The following ITGB3BP variants were observed in gnomAD, a reference collection of about 807,000 sequenced individuals.
The protein encoded by ITGB3BP is centromere protein R.
ITGB3BP carries 27 observed loss-of-function variants against 29.1 expected under a neutral mutation model. The ratio of observed to expected loss-of-function variants is 0.93; its 90% CI spans 0.68 to 1.28. ITGB3BP has a LOEUF of 1.28. ITGB3BP is among the 50% of genes most tolerant of loss of function. The pLI is 0.00. For missense variants in ITGB3BP, 192 were observed against 200.2 expected (o/e 0.96, Z 0.25); for synonymous variants, 61 against 61.4 (o/e 0.99, Z 0.03).
chr1:63,522,174 TC>T (rs1197619313), intron 1 of ITGB3BP, among the ~76,000 whole-genome samples: 3 of 152,192 alleles, frequency 2.0e-5, no homozygotes, highest in Non-Finnish European at 4.4e-5. Context: ...ATTTTAGGAT[TC>T]AATGAAAAAA....
intron 4 of ITGB3BP, among the ~76,000 whole-genome samples, chr1:63,476,678 G>A (rs1430437245): frequency 6.6e-6 from 1 of 152,162 alleles, no homozygotes; most frequent in Non-Finnish European, 1.5e-5. Context: ...CTGATTCAGG[G>A]AGAAAAACAA....
At chr1:63,490,523 C>T (rs1033071123) in intron 2 of ITGB3BP, among the ~76,000 whole-genome samples, 2 of 152,128 alleles carry the variant, frequency 1.3e-5, no homozygotes, top group African/African-American at 2.4e-5. Context: ...CAACCATACC[C>T]TGACTTTTGC....
At chr1:63,475,190 C>T (rs546490812) in intron 4 of ITGB3BP, among the ~76,000 whole-genome samples, 2 of 152,186 alleles carry the variant, frequency 1.3e-5, no homozygotes, top group African/African-American at 2.4e-5. Flanking sequence ...TTGCCCAGGC[C>T]GGTCTCAAAC....
At chr1:63,453,884 T>C (rs1644895535) in intron 7 of ITGB3BP, 34 bp downstream of exon 7, 1 of 1,300,898 alleles carries the variant, frequency 7.7e-7, no homozygotes, top group Non-Finnish European at 1.1e-6. Flanking sequence ...GATGAAAGCA[T>C]CTTTATGTAA....
At chr1:63,451,875 A>G (rs1644864924) in intron 7 of ITGB3BP, 3 of 152,120 alleles carry the variant, frequency 2.0e-5, no homozygotes, top group Admixed American at 2.0e-4. Flanking sequence ...TACGTAGAAT[A>G]GAATATAACA....
chr1:63,518,299 C>G (rs1646379327), intron 1 of ITGB3BP, among the ~76,000 whole-genome samples: 1 of 152,040 alleles, frequency 6.6e-6, no homozygotes. Context: ...ATTCTATTTC[C>G]TTAATTATGC....
intron 2 of ITGB3BP, among the ~76,000 whole-genome samples, chr1:63,496,094 A>ATTT (rs760733420): frequency 7.1e-6 from 1 of 140,628 alleles, no homozygotes; most frequent in Non-Finnish European, 1.6e-5. Context: ...GGCCACTACA[A>ATTT]TTTTTTTTTT....
chr1:63,444,624 A>T (rs1305544170), intron 8 of ITGB3BP, among the ~76,000 whole-genome samples: 1 of 111,426 alleles, frequency 9.0e-6, no homozygotes, highest in Non-Finnish European at 2.1e-5. Flanking sequence ...CTCCTATTAC[A>T]TATAGGAGAT....
At chr1:63,470,537 T>A (rs1460490401) in intron 4 of ITGB3BP, among the ~76,000 whole-genome samples, 1 of 152,238 alleles carries the variant, frequency 6.6e-6, no homozygotes, top group East Asian at 1.9e-4. Context: ...AAACCTTTTG[T>A]GTCTAGTTTT....
intron 8 of ITGB3BP, chr1:63,442,443 A>C (rs1644742528): frequency 6.6e-6 from 1 of 152,190 alleles, no homozygotes; most frequent in East Asian, 1.9e-4. Flanking sequence ...TATTGTGCTG[A>C]CCTGCAGTCA....
intron 7 of ITGB3BP, among the ~76,000 whole-genome samples, chr1:63,448,235 C>A (rs530819149): frequency 6.9e-6 from 1 of 145,760 alleles, no homozygotes; most frequent in African/African-American, 2.5e-5. Context: ...TGCTAAATGA[C>A]GAGTTAATGG....
intron 3 of ITGB3BP, among the ~76,000 whole-genome samples, chr1:63,480,747 CTT>C (rs993785677): frequency 2.0e-5 from 3 of 152,012 alleles, no homozygotes; most frequent in Non-Finnish European, 2.9e-5. Context: ...AGTTATTTCT[CTT>C]GTTTATGAAC....
intron 4 of ITGB3BP, among the ~76,000 whole-genome samples, chr1:63,463,730 T>C (rs1645056417): frequency 1.3e-5 from 2 of 152,200 alleles, no homozygotes; most frequent in Admixed American, 6.5e-5. Flanking sequence ...TATTAACGTG[T>C]AGCTGTTTTT....
intron 4 of ITGB3BP, among the ~76,000 whole-genome samples, chr1:63,458,845 C>T (rs1432350956): frequency 6.6e-6 from 1 of 152,128 alleles, no homozygotes; most frequent in Non-Finnish European, 1.5e-5. Context: ...AGACCTGGTC[C>T]AGTGACCATC....
intron 4 of ITGB3BP, among the ~76,000 whole-genome samples, chr1:63,469,925 T>C (rs1333766598): frequency 5.3e-5 from 8 of 152,242 alleles, no homozygotes; most frequent in Non-Finnish European, 5.9e-5. Flanking sequence ...TTTACCGGAA[T>C]GAGGGCAAGG....
intron 2 of ITGB3BP, among the ~76,000 whole-genome samples, chr1:63,500,419 T>C (rs1237214028): frequency 6.6e-6 from 1 of 151,920 alleles, no homozygotes; most frequent in African/African-American, 2.4e-5. Flanking sequence ...TTAATGCTAA[T>C]AAATGGGTTC....
At chr1:63,517,815 C>G (rs558729618) in intron 1 of ITGB3BP, among the ~76,000 whole-genome samples, 1 of 152,096 alleles carries the variant, frequency 6.6e-6, no homozygotes, top group Non-Finnish European at 1.5e-5. Context: ...TTGACTTCCT[C>G]GGCTCAAGTG....
At chr1:63,491,186 T>C (rs1645637963) in intron 2 of ITGB3BP, among the ~76,000 whole-genome samples, 2 of 152,182 alleles carry the variant, frequency 1.3e-5, no homozygotes, top group South Asian at 2.1e-4. Flanking sequence ...TATCATACTA[T>C]TAATTGTTCC....
At chr1:63,523,393 C>G (rs1646509506), upstream of ITGB3BP, 3 of 560,888 alleles carry the variant, frequency 5.3e-6, no homozygotes, top group South Asian at 4.1e-5. Context: ...TCTCACTACT[C>G]TGGCCATACC....
Sources: gnomAD v4.1 joint callset for allele counts (sites outside exome capture counted in the v4.1 genomes callset) on GRCh38, gnomAD v4.1.1 for gene constraint, MANE v1.5 for transcripts, NCBI Gene and HGNC (gene_info 2026-07-23, HGNC 2026-07-21) for gene names.